TUNAR: variants seen among roughly 807,000 people sequenced by gnomAD.
The protein encoded by TUNAR is transmembrane neural differentiation associated intracellular calcium regulator, also known as protein TUNAR.
At chr14:95,896,639 CAAATAA>C (rs888713751) in intron 2 of TUNAR, among the ~76,000 whole-genome samples, 35 of 152,284 alleles carry the variant, frequency 2.3e-4, no homozygotes, top group African/African-American at 5.3e-4. Context: ...CCTTACTCTG[CAAATAA>C]AAATGGAATC....
intron 2 of TUNAR, among the ~76,000 whole-genome samples, chr14:95,888,996 C>T (rs1041957794): frequency 7.2e-5 from 11 of 152,184 alleles, no homozygotes; most frequent in African/African-American, 2.2e-4. Flanking sequence ...CTACGGGCCC[C>T]GTGAAACGGG....
chr14:95,898,989 G>A (rs1889306421), intron 2 of TUNAR, among the ~76,000 whole-genome samples: 1 of 152,230 alleles, frequency 6.6e-6, no homozygotes, highest in Admixed American at 6.5e-5. Flanking sequence ...AGGTAGAAAT[G>A]ACTAGCTGGT....
chr14:95,908,701 C>T (rs1368687566), intron 2 of TUNAR, among the ~76,000 whole-genome samples: 1 of 152,210 alleles, frequency 6.6e-6, no homozygotes, highest in Admixed American at 6.5e-5. Context: ...CCTTCTTCCC[C>T]TCTCCATGTA....
chr14:95,893,397 T>C (rs1889211378), intron 2 of TUNAR, among the ~76,000 whole-genome samples: 1 of 152,132 alleles, frequency 6.6e-6, no homozygotes, highest in African/African-American at 2.4e-5. Context: ...AAGGAAAAGT[T>C]TGCTGCAAAG....
chr14:95,902,784 C>T (rs1256455108), intron 2 of TUNAR, among the ~76,000 whole-genome samples: 1 of 152,152 alleles, frequency 6.6e-6, no homozygotes, highest in African/African-American at 2.4e-5. Flanking sequence ...GGTGTCACCT[C>T]CACCTTCCCA....
At chr14:95,921,276 C>T (rs543038674) in intron 2 of TUNAR, among the ~76,000 whole-genome samples, 23 of 152,330 alleles carry the variant, frequency 1.5e-4, no homozygotes, top group Non-Finnish European at 2.9e-5. Context: ...CAAGCTGACA[C>T]ATAAATTTAA....
Position 95,918,163 on chromosome 14 carries a change from G to A in TUNAR, c.13-4618G>A, listed in dbSNP as rs189554793. Among the ~76,000 whole-genome samples, 235 of 152,174 alleles carry A rather than the reference G, an allele frequency of 1.5e-3. 1 individual carries two copies. The highest frequency in any genetic ancestry group is 0.014 in the Middle Eastern group (4 of 294). On this transcript the variant is annotated intron_variant, in intron 2 of 2. Transcript: ENST00000678517. ...CATAGTGGGTGTATATATTTATGGG[G>A]TACTTGAGATGTTTTGATACAGGCA...
intron 2 of TUNAR, among the ~76,000 whole-genome samples, chr14:95,913,082 C>T (rs868727521): frequency 6.8e-5 from 10 of 147,296 alleles, no homozygotes; most frequent in Admixed American, 3.3e-4. Context: ...TGAGCCACCG[C>T]GCCTAGCCGG....
At chr14:95,876,754 C>G (rs1429560952) in intron 1 of TUNAR, 78 bp from the exon 1 acceptor site, 1 of 152,258 alleles carries the variant, frequency 6.6e-6, no homozygotes, top group Non-Finnish European at 1.5e-5. Flanking sequence ...GCAGACGCGC[C>G]GTGGGTGGGG....
chr14:95,904,463 C>T (rs1889400700), intron 2 of TUNAR, among the ~76,000 whole-genome samples: 1 of 152,124 alleles, frequency 6.6e-6, no homozygotes, highest in Non-Finnish European at 1.5e-5. Context: ...AGGAGCACAG[C>T]CAAGGCAACC....
At chr14:95,909,394 C>A (rs2139667120) in intron 2 of TUNAR, among the ~76,000 whole-genome samples, 1 of 150,812 alleles carries the variant, frequency 6.6e-6, no homozygotes, top group East Asian at 2.0e-4. Context: ...AGCGATTTTC[C>A]TGCCTCAGCC....
chr14:95,880,306 G>C (rs1888960297), intron 2 of TUNAR, among the ~76,000 whole-genome samples: 1 of 152,138 alleles, frequency 6.6e-6, no homozygotes, highest in African/African-American at 2.4e-5. Flanking sequence ...ATAAGAAATT[G>C]GTGATTATAG....
intron 2 of TUNAR, among the ~76,000 whole-genome samples, chr14:95,920,606 G>A (rs1008298330): frequency 6.6e-6 from 1 of 152,172 alleles, no homozygotes. Flanking sequence ...ATTCTTCACT[G>A]ATGTGCTTGC....
intron 2 of TUNAR, among the ~76,000 whole-genome samples, chr14:95,918,369 G>A (rs1025308744): frequency 1.3e-5 from 2 of 152,120 alleles, no homozygotes; most frequent in African/African-American, 4.8e-5. Flanking sequence ...CTGGTTTCTA[G>A]GCTAATCTCC....
intron 2 of TUNAR, among the ~76,000 whole-genome samples, chr14:95,903,839 G>T (rs1159975005): frequency 6.6e-6 from 1 of 152,224 alleles, no homozygotes; most frequent in Admixed American, 6.5e-5. Flanking sequence ...AGCCAGGGCT[G>T]TAGGGCTTCT....
chr14:95,906,553 T>C (rs1358516390), intron 2 of TUNAR, among the ~76,000 whole-genome samples: 2 of 152,230 alleles, frequency 1.3e-5, no homozygotes, highest in Non-Finnish European at 2.9e-5. Flanking sequence ...AATTACTGAG[T>C]AGGTGATAGC....
intron 2 of TUNAR, among the ~76,000 whole-genome samples, chr14:95,911,831 A>G (rs916435971): frequency 6.6e-6 from 1 of 152,188 alleles, no homozygotes; most frequent in Non-Finnish European, 1.5e-5. Context: ...TGAGACTGGC[A>G]TTATTTTGAC....
At chr14:95,910,615 A>G (rs1402259754) in intron 2 of TUNAR, among the ~76,000 whole-genome samples, 3 of 152,336 alleles carry the variant, frequency 2.0e-5, no homozygotes, top group South Asian at 4.1e-4. Flanking sequence ...TGCTTTACAG[A>G]TATTTTATCT....
exon 3 of TUNAR, chr14:95,924,687 TTTTCAC>T (rs1396482669): frequency 1.3e-5 from 2 of 152,174 alleles, no homozygotes; most frequent in Non-Finnish European, 2.9e-5. Flanking sequence ...TCGTGAGACT[TTTTCAC>T]TATCATGCAA....
Sources: gnomAD v4.1 joint callset for allele counts (sites outside exome capture counted in the v4.1 genomes callset) on GRCh38, gnomAD v4.1.1 for gene constraint, MANE v1.5 for transcripts, NCBI Gene and HGNC (gene_info 2026-07-23, HGNC 2026-07-21) for gene names.